The following COL14A1 variants were observed in gnomAD, a reference collection of about 807,000 sequenced individuals.
COL14A1 encodes the protein collagen type XIV alpha 1 chain.
COL14A1 carries 136 observed loss-of-function variants against 230.3 expected under a neutral mutation model. The ratio of observed to expected loss-of-function variants is 0.59; its 90% CI spans 0.51 to 0.68. The LOEUF (loss-of-function observed/expected upper bound fraction) is 0.68, where lower values mean the gene tolerates loss of function less well. COL14A1 is among the 30% of genes least tolerant of loss of function. The pLI is 0.00. For missense variants in COL14A1, 1,976 were observed against 2,215.8 expected (o/e 0.89, Z 2.17); for synonymous variants, 792 against 784.1 (o/e 1.01, Z -0.17).
chr8:120,313,740 T>G (rs765846026), intron 37 of COL14A1, among the ~76,000 whole-genome samples, 192 bp from the exon 38 acceptor site: 8 of 152,250 alleles, frequency 5.3e-5, no homozygotes, highest in Non-Finnish European at 1.0e-4. Flanking sequence ...GTGTTTACTC[T>G]TATGGTTTAC....
Position 120,285,912 on chromosome 8 carries a change from A to G in COL14A1, c.4019A>G (p.Gln1340Arg), listed in dbSNP as rs1304516565. Residue 1340 changes from glutamine (Q) to arginine (R), a missense_variant, in exon 33 of 48, where the codon CAA becomes CGA. This residue lies in a region of COL14A1 where 1,791 missense variants were observed against 2,019.5 expected (regional missense o/e 0.89). Transcript: ENST00000297848. Reference protein sequence around the residue: ...YFNYDQSGDFQTVTFEGPEIR... With the variant: ...YFNYDQSGDFRTVTFEGPEIR... ...AACTATGACCAGAGTGGGGATTTTC[A>G]AACTGTTACTTTCGAAGGACCTGAA... The G allele has an allele frequency of 3.1e-6, 5 of 1,612,104 alleles. No homozygotes were observed. Among genetic ancestry groups the G allele is most frequent in the Non-Finnish European group, 4.2e-6 (5 of 1,178,410 alleles).
intron 26 of COL14A1, among the ~76,000 whole-genome samples, chr8:120,274,598 T>A (rs1429769018): frequency 1.3e-5 from 2 of 151,744 alleles, no homozygotes; most frequent in Non-Finnish European, 2.9e-5. Context: ...TCCAAAAGAC[T>A]CCTAGATTTG....
chr8:120,209,972 A>G (rs1359931123), intron 12 of COL14A1, 71 bp downstream of exon 12: 3 of 1,202,060 alleles, frequency 2.5e-6, no homozygotes, highest in Non-Finnish European at 3.2e-6. Flanking sequence ...TTTTATTGTA[A>G]AAATTTAATG....
chr8:120,182,726 GTTTTT>G (rs756254098), intron 5 of COL14A1, among the ~76,000 whole-genome samples: 3 of 129,026 alleles, frequency 2.3e-5, no homozygotes, highest in Non-Finnish European at 4.9e-5. Context: ...ATTTTTCTTC[GTTTTT>G]TTTTTTTTTT....
rs3816523 is a variant in COL14A1 at position 120,342,267 on chromosome 8, G to A, written c.4822-113G>A. 0.46 allele frequency: 473,633 copies of A among 1,032,212 alleles called. 111,006 individuals are homozygous for A. Among genetic ancestry groups the A allele is most frequent in the African/African-American group, 0.68 (42,854 of 63,202 alleles). The allele number at this position is 1,032,212 out of a possible 1,614,324, so 63.9% of individuals were successfully genotyped here. On this transcript the variant is annotated intron_variant, in intron 43 of 47. Transcript: ENST00000297848. ...GTGGTCAAACCCACCTGTTGCTAGGGGCCAAAGATCCCTGATGGGAACAAT... is the reference window on the plus strand; with the variant it reads ...GTGGTCAAACCCACCTGTTGCTAGGAGCCAAAGATCCCTGATGGGAACAAT...
intron 35 of COL14A1, among the ~76,000 whole-genome samples, chr8:120,300,241 T>C (rs1476181441): frequency 6.6e-6 from 1 of 152,196 alleles, no homozygotes; most frequent in Non-Finnish European, 1.5e-5. Flanking sequence ...GTGGAAATTG[T>C]CATAGGGAAT....
At chr8:120,370,392 C>T (rs774157496) in intron 47 of COL14A1, 8 of 1,610,494 alleles carry the variant, frequency 5.0e-6, no homozygotes, top group Non-Finnish European at 5.9e-6. Context: ...ACTCTGGTTC[C>T]ATTGGCCCCA....
At chr8:120,301,031 G>C (rs1467960497) in intron 36 of COL14A1, among the ~76,000 whole-genome samples, 2 of 152,056 alleles carry the variant, frequency 1.3e-5, no homozygotes, top group African/African-American at 4.8e-5. Context: ...ATGACTCCTA[G>C]AGATGATGCT....
At chr8:120,149,626 C>T (rs1260623277) in intron 2 of COL14A1, among the ~76,000 whole-genome samples, 3 of 151,754 alleles carry the variant, frequency 2.0e-5, no homozygotes, top group South Asian at 4.2e-4. Context: ...ATAGCTCTTA[C>T]GGGATACTTT....
intron 2 of COL14A1, among the ~76,000 whole-genome samples, chr8:120,149,514 A>G (rs1321032027): frequency 2.0e-5 from 3 of 152,190 alleles, no homozygotes; most frequent in East Asian, 3.9e-4. Flanking sequence ...CAAGACACAG[A>G]TTCTTAGAAA....
intron 40 of COL14A1, among the ~76,000 whole-genome samples, chr8:120,318,659 G>T (rs1821323275): frequency 6.6e-6 from 1 of 152,146 alleles, no homozygotes; most frequent in African/African-American, 2.4e-5. Flanking sequence ...GAGAGGAGGT[G>T]CTGTTTATAG....
intron 2 of COL14A1, among the ~76,000 whole-genome samples, chr8:120,157,234 A>G (rs1161868157): frequency 1.3e-5 from 2 of 152,214 alleles, no homozygotes; most frequent in Non-Finnish European, 2.9e-5. Context: ...ACAGGTATAA[A>G]TCAGCTATCC....
Position 120,207,230 on chromosome 8 carries a change from C to T in COL14A1, c.1191+136C>T. 8 of 799,330 alleles carry T rather than the reference C, an allele frequency of 1.0e-5. No individual in the cohort carries two copies. The South Asian group carries it at 1.2e-4, about 12-fold the overall frequency. 49.5% of individuals were successfully genotyped at this position (799,330 alleles called of 1,614,324 possible). A position where few individuals can be genotyped will look rare whatever the true frequency, so the allele number is the denominator to read the frequency against. The stretch of plus-strand genomic sequence containing the variant: ...TAAAGAATTTGACTGAAATACATTT[C>T]CACTTGTTCATATTGTTCTCCCCTA... On this transcript the variant is annotated intron_variant, in intron 10 of 47. Coordinates refer to ENST00000297848, the MANE Select transcript of COL14A1 (RefSeq NM_021110.4).
At chr8:120,320,394 T>C (rs1458899192) in intron 40 of COL14A1, among the ~76,000 whole-genome samples, 1 of 152,166 alleles carries the variant, frequency 6.6e-6, no homozygotes, top group East Asian at 1.9e-4. Flanking sequence ...AAAATTTTTT[T>C]TCTTGGATTT....
intron 37 of COL14A1, among the ~76,000 whole-genome samples, chr8:120,311,822 C>A (rs1259649500): frequency 3.3e-5 from 5 of 152,080 alleles, no homozygotes; most frequent in Non-Finnish European, 7.4e-5. Flanking sequence ...CTCAGCCAGG[C>A]GCGGTGGATC....
intron 5 of COL14A1, among the ~76,000 whole-genome samples, chr8:120,193,969 A>C (rs902625852): frequency 1.3e-5 from 2 of 152,110 alleles, no homozygotes; most frequent in Non-Finnish European, 2.9e-5. Flanking sequence ...TTCTTTGACT[A>C]GGAAAGGGAA....
Position 120,162,454 on chromosome 8 carries a change from G to A in COL14A1, c.234G>A (p.Gln78=), listed in dbSNP as rs1235467996. 1 of 1,609,044 alleles carries A rather than the reference G, an allele frequency of 6.2e-7. No homozygotes were observed. Among genetic ancestry groups the A allele is most frequent in the Admixed American group, 1.7e-5 (1 of 59,188 alleles). The change falls in exon 4 of 48, where the codon CAG becomes CAA. Residue 78 remains glutamine (Q), a synonymous_variant. Coordinates refer to ENST00000297848, the MANE Select transcript of COL14A1 (RefSeq NM_021110.4). The part of the protein sequence containing the change: ...SGGKTNQLNL[Q]NTATKAIIQG... ...GAAAAACTAACCAGCTGAATCTGCAGAACACTGCAACTAAAGCAATTATTC... is the reference window on the plus strand; with the variant it reads ...GAAAAACTAACCAGCTGAATCTGCAAAACACTGCAACTAAAGCAATTATTC...
intron 5 of COL14A1, 82 bp from the exon 6 acceptor site, chr8:120,196,709 T>C (rs1817049869): frequency 7.3e-7 from 1 of 1,369,162 alleles, no homozygotes; most frequent in Non-Finnish European, 1.0e-6. Context: ...TAGCACTAAG[T>C]TGTCTAAAAG....
intron 45 of COL14A1, among the ~76,000 whole-genome samples, chr8:120,356,591 A>C (rs1369542290): frequency 6.6e-6 from 1 of 152,140 alleles, no homozygotes; most frequent in Non-Finnish European, 1.5e-5. Context: ...TGGGAGATGG[A>C]TATTAAGCAA....
Sources: gnomAD v4.1 joint callset for allele counts (sites outside exome capture counted in the v4.1 genomes callset) on GRCh38, gnomAD v4.1.1 for gene constraint, gnomAD v4.1.1 regional missense constraint, MANE v1.5 for transcripts, NCBI Gene and HGNC (gene_info 2026-07-23, HGNC 2026-07-21) for gene names.